The following UNC13C variants were observed in gnomAD, a reference collection of about 807,000 sequenced individuals.
The protein encoded by UNC13C is unc-13 homolog C, also known as protein unc-13 homolog C.
In UNC13C, 174 loss-of-function variants were observed where a neutral mutation model predicts 245.4. The observed-to-expected ratio is 0.71, with a 90% CI of 0.63 to 0.80. UNC13C has a LOEUF of 0.80. Ranked by LOEUF, UNC13C falls within the 30% of genes least tolerant of loss-of-function variation. UNC13C has a pLI of 0.00. For missense variants in UNC13C, 2,829 were observed against 2,602.9 expected, an observed-to-expected ratio of 1.09 and a Z score of -1.89; for synonymous variants, 992 against 895.1, an observed-to-expected ratio of 1.11 and a Z score of -1.93.
At chr15:54,230,583 A>C (rs1377691880) in intron 4 of UNC13C, among the ~76,000 whole-genome samples, 1 of 152,080 alleles carries the variant, frequency 6.6e-6, no homozygotes. Context: ...CATTTATTTT[A>C]TAACAAGACA....
chr15:54,530,116 T>C (rs78541676), intron 25 of UNC13C, among the ~76,000 whole-genome samples: 5,693 of 152,262 alleles, frequency 0.037, 350 homozygotes, highest in African/African-American at 0.13. Flanking sequence ...AGATGGTCCA[T>C]TGATGCATTC....
chr15:54,006,135 A>G (rs549870088), intron 1 of UNC13C, among the ~76,000 whole-genome samples: 1 of 152,200 alleles, frequency 6.6e-6, no homozygotes, highest in South Asian at 2.1e-4. Flanking sequence ...CAAGATTACC[A>G]TGAAGATTAT....
chr15:54,321,011 C>CA (rs1411956305), intron 13 of UNC13C: 29 of 440,388 alleles, frequency 6.6e-5, no homozygotes, highest in Non-Finnish European at 1.1e-4. Context: ...CAAAGCCACA[C>CA]AGTCACTAAC....
the UNC13C span, among the ~76,000 whole-genome samples, chr15:53,888,646 T>C: frequency 1.3e-5 from 2 of 152,204 alleles, no homozygotes; most frequent in Non-Finnish European, 2.9e-5. Context: ...CTGAATGGCA[T>C]TGCCTATGTT....
At chr15:54,481,563 G>C (rs1443287800) in intron 19 of UNC13C, among the ~76,000 whole-genome samples, 2 of 152,132 alleles carry the variant, frequency 1.3e-5, no homozygotes, top group African/African-American at 4.8e-5. Flanking sequence ...ACTGGTTGCA[G>C]CAGCAGTGGC....
chr15:53,838,310 A>T, the UNC13C span, among the ~76,000 whole-genome samples: 2 of 151,990 alleles, frequency 1.3e-5, no homozygotes, highest in Non-Finnish European at 2.9e-5. Context: ...TCATTCATTC[A>T]TTCCTTTATA....
chr15:54,111,946 T>C (rs1007426702), intron 2 of UNC13C, among the ~76,000 whole-genome samples: 1 of 152,088 alleles, frequency 6.6e-6, no homozygotes, highest in Non-Finnish European at 1.5e-5. Flanking sequence ...AGAGAACCTT[T>C]TGCCACAGAG....
At chr15:54,518,774 A>G (rs1467127035) in intron 24 of UNC13C, among the ~76,000 whole-genome samples, 1 of 152,202 alleles carries the variant, frequency 6.6e-6, no homozygotes, top group African/African-American at 2.4e-5. Flanking sequence ...GCAGTGGTTT[A>G]TAACACATGC....
chr15:54,475,388 T>G (rs914689144), intron 19 of UNC13C, among the ~76,000 whole-genome samples: 5 of 151,574 alleles, frequency 3.3e-5, no homozygotes, highest in African/African-American at 1.2e-4. Flanking sequence ...ACATGTGCCA[T>G]GCTGGCGTGC....
chr15:53,892,623 G>A, the UNC13C span, among the ~76,000 whole-genome samples: 2 of 151,750 alleles, frequency 1.3e-5, no homozygotes, highest in Non-Finnish European at 2.9e-5. Context: ...TCATTAAGTT[G>A]ATCTTCAGTC....
chr15:54,391,397 TAAC>T (rs1025763366), intron 17 of UNC13C, among the ~76,000 whole-genome samples: 1 of 152,100 alleles, frequency 6.6e-6, no homozygotes, highest in East Asian at 1.9e-4. Flanking sequence ...ATAGTAGTGA[TAAC>T]AAAATTCTGT....
At chr15:54,313,756 C>T (rs771850232) in intron 13 of UNC13C, among the ~76,000 whole-genome samples, 1 of 151,224 alleles carries the variant, frequency 6.6e-6, no homozygotes, top group Admixed American at 6.6e-5. Context: ...GATACGTATA[C>T]AAGTAATACA....
chr15:54,053,471 C>A (rs888059807), intron 2 of UNC13C, among the ~76,000 whole-genome samples: 4 of 152,120 alleles, frequency 2.6e-5, no homozygotes, highest in African/African-American at 9.7e-5. Context: ...TGCTTCCCTG[C>A]CTACCTATAT....
rs1168902236 is a variant in UNC13C, at chr15:54,514,041, AT to A, written c.5457+2213del. ...TGTCCTCCCAGAAAATAGAAGCTTAATTGATACAGAATTATGATAGAATTTC... is the reference window on the plus strand; with the variant it reads ...TGTCCTCCCAGAAAATAGAAGCTTAATGATACAGAATTATGATAGAATTTC... On this transcript the variant is annotated intron_variant, in intron 24 of 32. Transcript: ENST00000260323. Among the ~76,000 whole-genome samples the A allele has an allele frequency of 4.6e-5, 7 of 152,194 alleles. No individual in the cohort carries two copies. The East Asian group carries it at 1.2e-3, about 25-fold the overall frequency.
At chr15:54,588,906 CCA>C (rs1898625556) in intron 30 of UNC13C, among the ~76,000 whole-genome samples, 1 of 152,134 alleles carries the variant, frequency 6.6e-6, no homozygotes. Flanking sequence ...TGGGTTGGTT[CCA>C]CAGTTTTGCA....
At chr15:54,514,000 G>C (rs1198185874) in intron 24 of UNC13C, among the ~76,000 whole-genome samples, 1 of 152,140 alleles carries the variant, frequency 6.6e-6, no homozygotes, top group Non-Finnish European at 1.5e-5. Context: ...TTGCATTCAA[G>C]TCTGAGTGCA....
chr15:53,974,253 A>G (rs1031145321), upstream of UNC13C, among the ~76,000 whole-genome samples: 3 of 152,200 alleles, frequency 2.0e-5, no homozygotes, highest in African/African-American at 7.2e-5. Context: ...TCTGGCACAA[A>G]TTTGTGAGAC....
At chr15:53,919,541 T>G in the UNC13C span, among the ~76,000 whole-genome samples, 33 of 152,304 alleles carry the variant, frequency 2.2e-4, no homozygotes, top group Admixed American at 1.6e-3. Flanking sequence ...TCATCTATAT[T>G]CCACACCAGC....
intron 19 of UNC13C, among the ~76,000 whole-genome samples, chr15:54,456,183 T>C (rs1891513305): frequency 6.6e-6 from 1 of 152,178 alleles, no homozygotes; most frequent in Admixed American, 6.5e-5. Context: ...CACTTCTGGG[T>C]TCTCTATTCT....
Sources: gnomAD v4.1 joint callset for allele counts (sites outside exome capture counted in the v4.1 genomes callset) on GRCh38, gnomAD v4.1.1 for gene constraint, MANE v1.5 for transcripts, NCBI Gene and HGNC (gene_info 2026-07-23, HGNC 2026-07-21) for gene names.